The following KIAA1958 variants were observed in gnomAD, a reference collection of about 807,000 sequenced individuals.
The protein encoded by KIAA1958 is KIAA1958.
KIAA1958 carries 14 observed loss-of-function variants against 47.2 expected under a neutral mutation model. That is an observed-to-expected ratio of 0.30 (90% CI 0.20 to 0.46). The LOEUF (loss-of-function observed/expected upper bound fraction) is 0.46, where lower values mean the gene tolerates loss of function less well. Ranked by LOEUF, KIAA1958 falls within the 20% of genes least tolerant of loss-of-function variation. KIAA1958 has a pLI of 1.00. For missense variants in KIAA1958, 803 were observed against 909.2 expected, an observed-to-expected ratio of 0.88 and a Z score of 1.50; for synonymous variants, 354 against 353.3, an observed-to-expected ratio of 1.00 and a Z score of -0.02.
At chr9:112,575,703 A>G (rs1205383698) in intron 2 of KIAA1958, among the ~76,000 whole-genome samples, 2 of 152,174 alleles carry the variant, frequency 1.3e-5, no homozygotes, top group Non-Finnish European at 2.9e-5. Context: ...TGACGTTGCT[A>G]TTCATTTTAG....
rs766213719 is a variant in KIAA1958, at chr9:112,575,199, G to T, written c.1119G>T (p.Gln373His). 6.3e-7 allele frequency: 1 copy of T among 1,577,798 alleles called. No individual in the cohort carries two copies. The highest frequency in any genetic ancestry group is 2.2e-5 in the East Asian group (1 of 44,840). ...TEPEVSSSQQ[Q>H]PPVAPAITTE... ...CAGAAGTGAGCTCCAGTCAGCAGCA[G>T]CCCCCAGTCGCTCCAGCCATAACCA... Residue 373 changes from glutamine (Q) to histidine (H), a missense_variant, in exon 2 of 4, where the codon CAG (glutamine) becomes CAT (histidine). Physicochemically the swap from Gln to His is conservative, Grantham distance 24. Around this residue, in one of 2 missense-constraint regions of KIAA1958, gnomAD observed 761 missense variants for 829.3 expected, o/e 0.92. Transcript: ENST00000337530.
chr9:112,602,206 T>C (rs894309447), intron 2 of KIAA1958, among the ~76,000 whole-genome samples: 1 of 152,202 alleles, frequency 6.6e-6, no homozygotes, highest in Admixed American at 6.5e-5. Flanking sequence ...ACTTTTAAAG[T>C]AAATATAGCT....
intron 1 of KIAA1958, among the ~76,000 whole-genome samples, chr9:112,518,696 G>T (rs758842090): frequency 2.6e-5 from 4 of 152,028 alleles, no homozygotes; most frequent in African/African-American, 9.7e-5. Context: ...TTATCAAATT[G>T]TACATTTAAA....
At chr9:112,655,290 C>G (rs1837130006) in intron 3 of KIAA1958, among the ~76,000 whole-genome samples, 1 of 152,084 alleles carries the variant, frequency 6.6e-6, no homozygotes, top group African/African-American at 2.4e-5. Flanking sequence ...TTTGTGTTCA[C>G]TTCAGGAATC....
rs925692350 is a variant in KIAA1958, at chr9:112,654,738, A to G, written c.1345-4525A>G. On this transcript the variant is annotated intron_variant, in intron 3 of 3. Coordinates refer to ENST00000337530, the MANE Select transcript of KIAA1958 (RefSeq NM_133465.4). ...CCAAAGCCAGCTTTGTTTTAGTGCA[A>G]TGGTTACTGGCAAGTTATTTTAACT... is the stretch of plus-strand genomic sequence containing the variant. Among the ~76,000 whole-genome samples, 6 of 151,912 alleles carry G rather than the reference A, an allele frequency of 3.9e-5. No individual in the cohort carries two copies. The East Asian group carries it at 5.8e-4, about 15-fold the overall frequency.
chr9:112,503,611 T>C lies in KIAA1958; in HGVS notation c.-25+16493T>C, dbSNP rs11794848. On this transcript the variant is annotated intron_variant, in intron 1 of 3. Coordinates refer to ENST00000337530, the MANE Select transcript of KIAA1958 (RefSeq NM_133465.4). ...CAGCCTGGGCAACAGAGCGAGACCC[T>C]GTCTCAAAAAAAAAAAAAAAAAAAA... 9.4e-3 allele frequency among the ~76,000 whole-genome samples: 906 copies of C among 96,492 alleles called. 5 individuals carry two copies. The highest frequency in any genetic ancestry group is 0.013 in the Non-Finnish European group (672 of 51,226). 63.3% of individuals were successfully genotyped at this position (96,492 alleles called of 152,430 possible).
At chr9:112,582,584 G>A (rs2676620) in intron 2 of KIAA1958, 41,624 of 155,640 alleles carry the variant, frequency 0.27, 5,594 homozygotes, top group Middle Eastern at 0.39. Context: ...CCATCCACAC[G>A]TGGGATCTAG....
At chr9:112,619,070 A>G (rs1210561035) in intron 2 of KIAA1958, 7 of 733,870 alleles carry the variant, frequency 9.5e-6, no homozygotes, top group Admixed American at 5.2e-5. Flanking sequence ...AAATAAGCCA[A>G]TGGAGATAAT....
At chr9:112,650,147 A>C (rs1257516695) in intron 3 of KIAA1958, among the ~76,000 whole-genome samples, 1 of 152,154 alleles carries the variant, frequency 6.6e-6, no homozygotes, top group Non-Finnish European at 1.5e-5. Flanking sequence ...GTCAACATAG[A>C]ATTTTATATT....
intron 3 of KIAA1958, among the ~76,000 whole-genome samples, chr9:112,656,372 C>CAA (rs35967386): frequency 5.4e-4 from 31 of 57,818 alleles, no homozygotes; most frequent in South Asian, 1.9e-3. Flanking sequence ...GACTCTGTCT[C>CAA]AAAAAAAAAA....
At chr9:112,651,390 T>C (rs1175676288) in intron 3 of KIAA1958, among the ~76,000 whole-genome samples, 1 of 132,856 alleles carries the variant, frequency 7.5e-6, no homozygotes, top group East Asian at 2.0e-4. Context: ...TCTCTATATA[T>C]ATACATATTT....
chr9:112,613,071 A>G (rs1468233819), intron 2 of KIAA1958, among the ~76,000 whole-genome samples: 2 of 152,154 alleles, frequency 1.3e-5, no homozygotes, highest in Non-Finnish European at 2.9e-5. Flanking sequence ...GAAATGTAAA[A>G]ACTTGAAAAT....
chr9:112,575,027 A>G lies in KIAA1958; in HGVS notation c.947A>G (p.His316Arg). Residue 316 changes from histidine to arginine, a missense_variant, in exon 2 of 4, where the codon CAT becomes CGT. Physicochemically the swap from His to Arg is conservative, Grantham distance 29 (BLOSUM62 0). Coordinates refer to ENST00000337530, the MANE Select transcript of KIAA1958 (RefSeq NM_133465.4). The part of the protein sequence containing the change: ...VAMQMPVSTS[H>R]PNKQISIPLS... ...ATGCAAATGCCTGTGAGCACATCCC[A>G]TCCTAACAAACAGATCAGTATCCCC... is the stretch of plus-strand genomic sequence containing the variant. The G allele has an allele frequency of 1.2e-6, 2 of 1,614,058 alleles. No homozygotes were observed. Among genetic ancestry groups the G allele is most frequent in the Non-Finnish European group, 1.7e-6 (2 of 1,179,998 alleles).
chr9:112,555,671 C>G (rs1588016173), intron 1 of KIAA1958, among the ~76,000 whole-genome samples: 1 of 152,224 alleles, frequency 6.6e-6, no homozygotes, highest in East Asian at 1.9e-4. Context: ...GGGACAGACG[C>G]TGTGCGCTCG....
At chr9:112,492,485 A>G (rs945162487) in intron 1 of KIAA1958, among the ~76,000 whole-genome samples, 3 of 152,214 alleles carry the variant, frequency 2.0e-5, no homozygotes. Flanking sequence ...AGAGGAATAC[A>G]GTTCAGCCTA....
intron 1 of KIAA1958, among the ~76,000 whole-genome samples, chr9:112,495,507 A>G (rs1311612719): frequency 6.6e-6 from 1 of 152,266 alleles, no homozygotes; most frequent in Non-Finnish European, 1.5e-5. Context: ...AATGAGAAAG[A>G]TGAAAAATAC....
intron 1 of KIAA1958, among the ~76,000 whole-genome samples, chr9:112,554,917 G>A (rs997480194): frequency 1.3e-5 from 2 of 152,000 alleles, no homozygotes; most frequent in Non-Finnish European, 2.9e-5. Flanking sequence ...CAAATGAAAT[G>A]ACAACTAAGA....
At position 112,549,311 on chromosome 9, in the gene KIAA1958, T is replaced by C. The variant is rs144131717; in HGVS notation, c.-24-24746T>C. On this transcript the variant is annotated intron_variant, in intron 1 of 3. Transcript: ENST00000337530. The stretch of plus-strand genomic sequence containing the variant: ...TTCTCTTTCTCAATAAAGTTCAGAT[T>C]ATTTCCCTTGGGTTTTATAACTCTC... Among the ~76,000 whole-genome samples the C allele has an allele frequency of 1.1e-3, 165 of 152,356 alleles. 1 individual carries two copies. The highest frequency in any genetic ancestry group is 3.9e-3 in the African/African-American group (161 of 41,576).
chr9:112,605,908 T>C (rs1241159825), intron 2 of KIAA1958, among the ~76,000 whole-genome samples: 1 of 152,234 alleles, frequency 6.6e-6, no homozygotes, highest in East Asian at 1.9e-4. Context: ...ATTATTTTTC[T>C]TCATAGCACT....
Sources: gnomAD v4.1 joint callset for allele counts (sites outside exome capture counted in the v4.1 genomes callset) on GRCh38, gnomAD v4.1.1 for gene constraint, gnomAD v4.1.1 regional missense constraint, MANE v1.5 for transcripts, NCBI Gene and HGNC (gene_info 2026-07-23, HGNC 2026-07-21) for gene names.